GFM1: variants seen among roughly 807,000 people sequenced by gnomAD.
The protein encoded by GFM1 is elongation factor G, mitochondrial.
A neutral mutation model predicts 96.2 loss-of-function variants in GFM1; 62 were observed. The observed-to-expected ratio is 0.64, with a 90% CI of 0.53 to 0.80. The LOEUF is 0.80. Among genes scored for constraint, GFM1 ranks in the 30% least tolerant of loss-of-function variants. The pLI is 0.00. For synonymous variants in GFM1, 282 were observed against 312.9 expected (o/e 0.90, Z 1.04); for missense variants, 852 against 916.6 (o/e 0.93, Z 0.91).
At position 158,660,905 on chromosome 3, in the gene GFM1, G is replaced by A. The variant is rs1560133802; in HGVS notation, c.1253G>A (p.Cys418Tyr). 1.9e-6 allele frequency: 3 copies of A among 1,613,996 alleles called. No homozygotes were observed. The highest frequency in any genetic ancestry group is 2.5e-6 in the Non-Finnish European group (3 of 1,179,924). ...DVEEVYAGDICALFGIDCASG... is the reference protein window; with the variant it reads ...DVEEVYAGDIYALFGIDCASG... ...GAGGAAGTATATGCCGGAGACATCT[G>A]TGCATTGTTTGGCATTGACTGTGCT... The change falls in exon 10 of 18, where the codon TGT becomes TAT. Residue 418 changes from cysteine to tyrosine, a missense_variant. Transcript: ENST00000486715.
intron 15 of GFM1, chr3:158,685,204 T>G (rs1257829682): frequency 6.5e-6 from 1 of 154,790 alleles, no homozygotes; most frequent in Non-Finnish European, 1.4e-5. Flanking sequence ...TGTATTTAAA[T>G]GCTGATGAAC....
At chr3:158,651,953 G>A (rs1273348227) in intron 5 of GFM1, 143 bp from the exon 6 acceptor site, 1 of 696,780 alleles carries the variant, frequency 1.4e-6, no homozygotes, top group South Asian at 1.7e-5. Context: ...GTATACATTA[G>A]TCTTATTTGC....
intron 7 of GFM1, among the ~76,000 whole-genome samples, chr3:158,654,201 A>T (rs922073629): frequency 2.8e-5 from 4 of 142,130 alleles, no homozygotes; most frequent in Middle Eastern, 3.6e-3. Flanking sequence ...TAAGCTCTAA[A>T]GACCTTTTTT....
intron 13 of GFM1, chr3:158,667,116 C>G (rs779696609): frequency 4.0e-6 from 6 of 1,512,342 alleles, no homozygotes; most frequent in Non-Finnish European, 5.3e-6. Context: ...AACTTAATAT[C>G]TTTGGCAAAA....
intron 13 of GFM1, chr3:158,669,512 C>T: frequency 7.4e-6 from 12 of 1,613,906 alleles, no homozygotes; most frequent in Non-Finnish European, 1.0e-5. Flanking sequence ...CATCTGGATT[C>T]TTTCCAGTTT....
chr3:158,690,917 A>T (rs559437891), intron 16 of GFM1, among the ~76,000 whole-genome samples: 2 of 152,380 alleles, frequency 1.3e-5, no homozygotes, highest in African/African-American at 4.8e-5. Context: ...CGAAGTGGAA[A>T]GATTTGGTTT....
chr3:158,660,059 T>C (rs1723074595), intron 9 of GFM1, among the ~76,000 whole-genome samples: 1 of 152,286 alleles, frequency 6.6e-6, no homozygotes, highest in South Asian at 2.1e-4. Flanking sequence ...TTAGATTTCC[T>C]GTGTTTTCTT....
intron 15 of GFM1, among the ~76,000 whole-genome samples, chr3:158,688,514 A>G (rs1726052517): frequency 6.6e-6 from 1 of 152,180 alleles, no homozygotes; most frequent in African/African-American, 2.4e-5. Context: ...TAGATGTTTT[A>G]CATTACTATC....
In GFM1 at chr3:158,652,179, C is replaced by T; in HGVS notation, c.773C>T (p.Ala258Val). The change falls in exon 6 of 18, where the codon GCC becomes GTC. Residue 258 changes from alanine (A) to valine (V), a missense_variant. Coordinates refer to ENST00000486715, the MANE Select transcript of GFM1 (RefSeq NM_024996.7). ...DHRQELIECV[A>V]NSDEQLGEMF... ...CGGCAGGAGCTAATTGAATGTGTTGCCAATTCAGATGAACAGCTTGGTGAG... is the reference window on the plus strand; with the variant it reads ...CGGCAGGAGCTAATTGAATGTGTTGTCAATTCAGATGAACAGCTTGGTGAG... 6.2e-7 allele frequency: 1 copy of T among 1,613,858 alleles called. No individual in the cohort carries two copies. The highest frequency in any genetic ancestry group is 8.5e-7 in the Non-Finnish European group (1 of 1,179,828).
At chr3:158,647,316 G>A (rs1721899493) in intron 4 of GFM1, among the ~76,000 whole-genome samples, 1 of 152,176 alleles carries the variant, frequency 6.6e-6, no homozygotes, top group African/African-American at 2.4e-5. Flanking sequence ...TTTCCTTGAA[G>A]CATTTTAATT....
chr3:158,671,169 A>G (rs1410553671), intron 13 of GFM1: 4 of 1,157,194 alleles, frequency 3.5e-6, no homozygotes. Context: ...GTCACCATGA[A>G]TGTAACATCT....
chr3:158,647,523 AGATGT>A (rs1192194009), intron 4 of GFM1, among the ~76,000 whole-genome samples: 1 of 152,238 alleles, frequency 6.6e-6, no homozygotes, highest in Non-Finnish European at 1.5e-5. Flanking sequence ...CACCTTTTGT[AGATGT>A]GCACGTGTAG....
At position 158,649,108 on chromosome 3, in the gene GFM1, AT is replaced by A; in HGVS notation, c.642del (p.Ile214MetfsTer2). 1 of 1,569,168 alleles carries A rather than the reference AT, an allele frequency of 6.4e-7. No homozygotes were observed. Among genetic ancestry groups the A allele is most frequent in the Non-Finnish European group, 8.8e-7 (1 of 1,139,504 alleles). On this transcript the variant is annotated frameshift_variant, in exon 5 of 18. Transcript: ENST00000486715. LOFTEE classifies it high-confidence loss of function. ...PMGLEGNFKGIVDLIEERAIY... is the reference protein window; with the variant it reads ...PMGLEGNFKGXVDLIEERAIY... ...GGGTTTGGAGGGTAATTTTAAAGGT[AT>A]TGTAGATCTTATTGAGGAACGAGCC...
At chr3:158,644,875 T>G (rs1721624746) in intron 1 of GFM1, 160 bp downstream of exon 1, 4 of 657,598 alleles carry the variant, frequency 6.1e-6, no homozygotes, top group Non-Finnish European at 1.1e-5. Flanking sequence ...TGCCTGCACA[T>G]TAGCTCGTTA....
rs538068046 is a variant in GFM1 at position 158,694,728 on chromosome 3, C to G, written c.*3261C>G. Among the ~76,000 whole-genome samples, 1 of 149,330 alleles carries G rather than the reference C, an allele frequency of 6.7e-6. No individual in the cohort carries two copies. The highest frequency in any genetic ancestry group is 2.2e-4 in the South Asian group (1 of 4,604). On this transcript the variant is annotated 3_prime_UTR_variant, in exon 18 of 18. Coordinates refer to ENST00000486715, the MANE Select transcript of GFM1 (RefSeq NM_024996.7). ...ACTTTACCTTAAAAAAAAAAGTGTTCCTATTTATATAAGCTTCCAACTGAC... is the reference window on the plus strand; with the variant it reads ...ACTTTACCTTAAAAAAAAAAGTGTTGCTATTTATATAAGCTTCCAACTGAC...
At position 158,693,484 on chromosome 3, in the gene GFM1, T is replaced by C. The variant is rs1726439353; in HGVS notation, c.*2017T>C. 6.6e-6 allele frequency: 1 copy of C among 152,224 alleles called. No homozygotes were observed. The highest frequency in any genetic ancestry group is 6.5e-5 in the Admixed American group (1 of 15,278). The allele number at this position is 152,224 out of a possible 1,614,324, so 9.4% of individuals were successfully genotyped here. A position where few individuals can be genotyped will look rare whatever the true frequency, so the allele number is the denominator to read the frequency against. ...AACACCAGCATTTCATAGGTAATGA[T>C]TCAGGCCTAGCTGGTGGGAGTAATT... On this transcript the variant is annotated 3_prime_UTR_variant, in exon 18 of 18. Coordinates refer to ENST00000486715, the MANE Select transcript of GFM1 (RefSeq NM_024996.7).
intron 13 of GFM1, among the ~76,000 whole-genome samples, chr3:158,673,956 CT>C (rs11340869): frequency 0.42 from 63,024 of 151,666 alleles, 14,229 homozygotes; most frequent in African/African-American, 0.6. Context: ...TTCTGATTGA[CT>C]TTGCCTTTAA....
chr3:158,652,204 G>A lies in GFM1; in HGVS notation c.798G>A (p.Glu266=). The change falls in exon 6 of 18, where the codon GAG becomes GAA. Residue 266 remains glutamate (E), a synonymous_variant. Transcript: ENST00000486715. ...CVANSDEQLG[E]MFLEEKIPSI... ...CCAATTCAGATGAACAGCTTGGTGA[G>A]ATGTTTCTGGAAGAAAAAATCCCCT... 9.3e-6 allele frequency: 15 copies of A among 1,614,116 alleles called. No homozygotes were observed. Among genetic ancestry groups the A allele is most frequent in the Non-Finnish European group, 1.3e-5 (15 of 1,179,984 alleles).
chr3:158,672,689 C>T, intron 13 of GFM1: 1 of 494,006 alleles, frequency 2.0e-6, no homozygotes, highest in Middle Eastern at 6.1e-4. Context: ...GGGCTGACTG[C>T]TTCTGAGGCC....
Sources: gnomAD v4.1 joint callset for allele counts (sites outside exome capture counted in the v4.1 genomes callset) on GRCh38, gnomAD v4.1.1 for gene constraint, MANE v1.5 for transcripts, NCBI Gene and HGNC (gene_info 2026-07-23, HGNC 2026-07-21) for gene names.